Variants in SNX9 observed in about 807,000 individuals in gnomAD.
SNX9 encodes sorting nexin 9.
Under a neutral mutation model 89.4 loss-of-function variants are expected in SNX9, and 44 were observed. That is an observed-to-expected ratio of 0.49 (90% CI 0.39 to 0.63). SNX9 has a LOEUF of 0.63. Ranked by LOEUF, SNX9 falls within the 30% of genes least tolerant of loss-of-function variation. The pLI is 0.00. For missense variants in SNX9, 578 were observed against 736.1 expected (o/e 0.79, Z 2.49); for synonymous variants, 236 against 247.8 (o/e 0.95, Z 0.45).
intron 4 of SNX9, among the ~76,000 whole-genome samples, chr6:157,892,380 A>G (rs1233707071): frequency 6.6e-6 from 1 of 152,312 alleles, no homozygotes. Flanking sequence ...GAGGGCCGTG[A>G]CGGAAGCTGC....
chr6:157,869,060 C>G (rs994484833), intron 2 of SNX9, among the ~76,000 whole-genome samples: 3 of 152,240 alleles, frequency 2.0e-5, no homozygotes, highest in African/African-American at 7.2e-5. Flanking sequence ...TCCTTGTTTT[C>G]CAGAGAGGTC....
chr6:157,871,983 A>G (rs974307870), intron 2 of SNX9, among the ~76,000 whole-genome samples: 1 of 151,864 alleles, frequency 6.6e-6, no homozygotes, highest in East Asian at 1.9e-4. Flanking sequence ...TTTCTTGGTA[A>G]AATAGCAACT....
At chr6:157,859,614 A>C (rs1782078589) in intron 1 of SNX9, among the ~76,000 whole-genome samples, 1 of 152,198 alleles carries the variant, frequency 6.6e-6, no homozygotes, top group Non-Finnish European at 1.5e-5. Flanking sequence ...ATACTGGTAG[A>C]AGTTTAAATA....
At chr6:157,882,516 T>G (rs1273963343) in intron 4 of SNX9, among the ~76,000 whole-genome samples, 1 of 152,230 alleles carries the variant, frequency 6.6e-6, no homozygotes, top group Non-Finnish European at 1.5e-5. Flanking sequence ...CTGATGGATC[T>G]GGGCAAAGTA....
chr6:157,827,956 TTAAAAA>T (rs774468537), intron 1 of SNX9, among the ~76,000 whole-genome samples: 17 of 151,976 alleles, frequency 1.1e-4, no homozygotes, highest in Non-Finnish European at 2.5e-4. Flanking sequence ...GTATGGAATG[TTAAAAA>T]TAATGGTAGG....
chr6:157,844,769 G>C (rs1781772697), intron 1 of SNX9, among the ~76,000 whole-genome samples: 1 of 151,466 alleles, frequency 6.6e-6, no homozygotes, highest in African/African-American at 2.4e-5. Context: ...AATTTTTTGT[G>C]TTTTTAGTAG....
chr6:157,905,377 A>G (rs892155734), intron 6 of SNX9, among the ~76,000 whole-genome samples: 2 of 152,218 alleles, frequency 1.3e-5, no homozygotes, highest in Non-Finnish European at 2.9e-5. Context: ...GTTTACTAAA[A>G]GAAAAATTCT....
intron 9 of SNX9, 21 bp downstream of exon 9, chr6:157,910,046 A>G (rs1306150802): frequency 6.4e-7 from 1 of 1,560,872 alleles, no homozygotes; most frequent in Non-Finnish European, 8.8e-7. Context: ...GTAATGCTAA[A>G]CCCAGGATGA....
intron 10 of SNX9, chr6:157,924,687 A>G (rs548509916): frequency 4.6e-5 from 7 of 152,346 alleles, no homozygotes; most frequent in African/African-American, 1.7e-4. Flanking sequence ...GCCGAAGTAA[A>G]TCCCTACTGA....
At chr6:157,885,914 AG>A (rs1782726624) in intron 4 of SNX9, among the ~76,000 whole-genome samples, 1 of 152,240 alleles carries the variant, frequency 6.6e-6, no homozygotes, top group African/African-American at 2.4e-5. Flanking sequence ...GAGCTTTCAT[AG>A]ACCCTTTGTA....
At position 157,930,665 on chromosome 6, in the gene SNX9, T is replaced by A. The variant is rs558764127; in HGVS notation, c.1289-1530T>A. On this transcript the variant is annotated intron_variant, in intron 12 of 17. Transcript: ENST00000392185. ...ACAAGCTTGTGAGCCCTTATGAGAA[T>A]CTAATGCCTGATAATCTGAGGTGGA... Among the ~76,000 whole-genome samples the A allele has an allele frequency of 1.9e-3, 284 of 152,278 alleles. 1 individual carries two copies. The highest frequency in any genetic ancestry group is 6.4e-3 in the African/African-American group (266 of 41,550).
chr6:157,901,832 G>A, intron 5 of SNX9, 66 bp from the exon 6 acceptor site: 1 of 1,551,754 alleles, frequency 6.4e-7, no homozygotes, highest in Non-Finnish European at 8.7e-7. Context: ...AGAAAATTAA[G>A]TAATTTCATT....
At chr6:157,862,397 T>C (rs1216302930) in intron 1 of SNX9, among the ~76,000 whole-genome samples, 1 of 152,234 alleles carries the variant, frequency 6.6e-6, no homozygotes, top group African/African-American at 2.4e-5. Flanking sequence ...TTTAAAGAGG[T>C]AAACTAGTTA....
chr6:157,917,845 T>A (rs1783505973), intron 9 of SNX9, among the ~76,000 whole-genome samples: 1 of 152,116 alleles, frequency 6.6e-6, no homozygotes, highest in Non-Finnish European at 1.5e-5. Flanking sequence ...ATATTTGCAA[T>A]CTAAGGTTGG....
In SNX9 at chr6:157,867,647, A is replaced by G; in HGVS notation, c.99+14A>G. The G allele has an allele frequency of 6.3e-7, 1 of 1,593,734 alleles. No individual in the cohort carries two copies. Among genetic ancestry groups the G allele is most frequent in the Non-Finnish European group, 8.6e-7 (1 of 1,164,466 alleles). On this transcript the variant is annotated intron_variant, in intron 2 of 17. Transcript: ENST00000392185. ...ATCACAAATCCGGTAAGAGAACTGT[A>G]CATTCGAGTCTGATTGTCCCATGTG... is the stretch of plus-strand genomic sequence containing the variant.
intron 9 of SNX9, among the ~76,000 whole-genome samples, chr6:157,913,593 AACC>A (rs1363261311): frequency 1.3e-5 from 2 of 152,210 alleles, no homozygotes; most frequent in Non-Finnish European, 2.9e-5. Flanking sequence ...GCAGTCCTGC[AACC>A]ACCACTACAT....
intron 1 of SNX9, among the ~76,000 whole-genome samples, chr6:157,860,513 A>G (rs1782098724): frequency 6.6e-6 from 1 of 152,266 alleles, no homozygotes; most frequent in Non-Finnish European, 1.5e-5. Flanking sequence ...CTGTTTTGAC[A>G]CATTACTTGG....
intron 1 of SNX9, among the ~76,000 whole-genome samples, chr6:157,846,082 G>C (rs1231575484): frequency 6.6e-6 from 1 of 152,216 alleles, no homozygotes; most frequent in African/African-American, 2.4e-5. Flanking sequence ...CGGCCCTCCT[G>C]ATGAGATTGT....
intron 1 of SNX9, among the ~76,000 whole-genome samples, chr6:157,827,620 A>G (rs958008515): frequency 4.3e-5 from 6 of 138,842 alleles, no homozygotes; most frequent in Non-Finnish European, 9.1e-5. Context: ...TAAATATATA[A>G]TACATTGTCA....
Sources: allele counts gnomAD v4.1 joint callset (sites outside exome capture counted in the v4.1 genomes callset), GRCh38; gene constraint gnomAD v4.1.1; transcripts MANE v1.5; gene names NCBI Gene and HGNC (gene_info 2026-07-23, HGNC 2026-07-21).